Variants in PARD3B observed in about 807,000 individuals in gnomAD.
PARD3B encodes the protein par-3 family cell polarity regulator beta.
PARD3B carries 103 observed loss-of-function variants against 130.2 expected under a neutral mutation model. The observed-to-expected ratio is 0.79, with a 90% CI of 0.67 to 0.93. The LOEUF is 0.93. Among genes scored for constraint, PARD3B ranks in the 40% least tolerant of loss-of-function variants. PARD3B has a pLI of 0.00. For synonymous variants in PARD3B, 583 were observed against 553.2 expected (o/e 1.05, Z -0.76); for missense variants, 1,609 against 1,499.2 (o/e 1.07, Z -1.21).
intron 16 of PARD3B, among the ~76,000 whole-genome samples, chr2:205,284,996 T>TTG (rs1274703624): frequency 3.2e-4 from 48 of 151,432 alleles, no homozygotes; most frequent in Middle Eastern, 3.4e-3. Flanking sequence ...CAAAACAGTT[T>TTG]TTTTTTTTTT....
intron 2 of PARD3B, among the ~76,000 whole-genome samples, chr2:204,813,470 G>A (rs2043035616): frequency 6.6e-6 from 1 of 151,918 alleles, no homozygotes; most frequent in Non-Finnish European, 1.5e-5. Context: ...TTCAGGCTGT[G>A]GATTATCTTC....
intron 20 of PARD3B, among the ~76,000 whole-genome samples, chr2:205,456,921 A>G (rs1417051093): frequency 6.7e-6 from 1 of 150,264 alleles, no homozygotes; most frequent in Admixed American, 6.7e-5. Context: ...GAAATAATTT[A>G]TCATAAATTT....
intron 1 of PARD3B, among the ~76,000 whole-genome samples, chr2:204,613,314 G>T (rs2033997284): frequency 6.6e-6 from 1 of 152,030 alleles, no homozygotes. Flanking sequence ...TTGTTGAGAA[G>T]GCCACCTTTT....
At chr2:205,371,405 T>C (rs1369892256) in intron 18 of PARD3B, among the ~76,000 whole-genome samples, 2 of 152,194 alleles carry the variant, frequency 1.3e-5, no homozygotes, top group Non-Finnish European at 2.9e-5. Flanking sequence ...CACATTCTTC[T>C]AAGTTTTGAA....
chr2:204,849,401 TA>T (rs1184250259), intron 2 of PARD3B, among the ~76,000 whole-genome samples: 1 of 152,222 alleles, frequency 6.6e-6, no homozygotes, highest in African/African-American at 2.4e-5. Context: ...TGTTTCAATA[TA>T]TGACTAGGCT....
chr2:205,520,284 T>C (rs1459745517), intron 21 of PARD3B, among the ~76,000 whole-genome samples: 1 of 152,088 alleles, frequency 6.6e-6, no homozygotes, highest in Non-Finnish European at 1.5e-5. Context: ...TGGTGATAAG[T>C]AGTGGTGGAT....
chr2:204,935,305 G>T (rs528056324), intron 2 of PARD3B, among the ~76,000 whole-genome samples: 8 of 150,652 alleles, frequency 5.3e-5, no homozygotes, highest in Admixed American at 3.3e-4. Context: ...CAAGGCGGGC[G>T]GATCACAAGG....
chr2:204,948,258 A>G (rs555606961), intron 2 of PARD3B, among the ~76,000 whole-genome samples: 80 of 152,368 alleles, frequency 5.3e-4, no homozygotes, highest in African/African-American at 1.8e-3. Flanking sequence ...AAAGGCAGCC[A>G]GACCTGTCCA....
At chr2:205,097,484 T>C (rs1702469703) in intron 4 of PARD3B, among the ~76,000 whole-genome samples, 1 of 152,122 alleles carries the variant, frequency 6.6e-6, no homozygotes, top group South Asian at 2.1e-4. Flanking sequence ...CCCGGCTTAG[T>C]TAATAATTTT....
At position 204,709,655 on chromosome 2, in the gene PARD3B, G is replaced by A. The variant is rs139756356; in HGVS notation, c.222+23373G>A. Among the ~76,000 whole-genome samples the A allele has an allele frequency of 1.2e-3, 184 of 152,246 alleles. 1 individual carries two copies. The highest frequency in any genetic ancestry group is 4.3e-3 in the African/African-American group (179 of 41,534). The stretch of plus-strand genomic sequence containing the variant: ...TAGTGTCATACGTTTGATGTGTTCA[G>A]TTGGGGAAATACATGTCTATATAGG... On this transcript the variant is annotated intron_variant, in intron 2 of 22. Coordinates refer to ENST00000406610, the MANE Select transcript of PARD3B (RefSeq NM_001302769.2).
chr2:204,862,991 T>C (rs1295855647), intron 2 of PARD3B, among the ~76,000 whole-genome samples: 1 of 152,090 alleles, frequency 6.6e-6, no homozygotes, highest in East Asian at 1.9e-4. Flanking sequence ...CTCCGGAGGC[T>C]CCACCCCGTC....
At chr2:205,357,735 A>C (rs2044247391) in intron 18 of PARD3B, among the ~76,000 whole-genome samples, 1 of 152,214 alleles carries the variant, frequency 6.6e-6, no homozygotes, top group African/African-American at 2.4e-5. Flanking sequence ...GGAGAGTATG[A>C]GATCTGTAGT....
chr2:204,663,162 G>C (rs115723000), intron 1 of PARD3B, among the ~76,000 whole-genome samples: 125 of 152,290 alleles, frequency 8.2e-4, no homozygotes, highest in African/African-American at 2.8e-3. Flanking sequence ...CATGGTTACT[G>C]TTTTCCCCAG....
At chr2:204,745,409 T>A (rs980294385) in intron 2 of PARD3B, among the ~76,000 whole-genome samples, 1 of 1,506 alleles carries the variant, frequency 6.6e-4, no homozygotes, top group East Asian at 0.062. Context: ...AATACTACCT[T>A]TTTTTTTTTT....
At chr2:204,986,739 A>G (rs1320651197) in intron 3 of PARD3B, among the ~76,000 whole-genome samples, 3 of 152,182 alleles carry the variant, frequency 2.0e-5, no homozygotes, top group Admixed American at 2.0e-4. Flanking sequence ...TTTTCATTGG[A>G]ATGACCTTTT....
intron 3 of PARD3B, among the ~76,000 whole-genome samples, chr2:205,032,632 C>T (rs1177969501): frequency 1.3e-5 from 2 of 152,122 alleles, no homozygotes; most frequent in African/African-American, 2.4e-5. Flanking sequence ...TTGATTAACA[C>T]TGGTTTAAAG....
At chr2:204,786,373 T>C (rs2042010829) in intron 2 of PARD3B, among the ~76,000 whole-genome samples, 1 of 152,086 alleles carries the variant, frequency 6.6e-6, no homozygotes, top group South Asian at 2.1e-4. Context: ...AATGAGTTCC[T>C]GTCAAACAAA....
intron 18 of PARD3B, among the ~76,000 whole-genome samples, chr2:205,312,617 G>A (rs1440956295): frequency 6.6e-6 from 1 of 152,194 alleles, no homozygotes; most frequent in Admixed American, 6.5e-5. Context: ...TTGGAATTGA[G>A]TTAGGCTCAA....
intron 19 of PARD3B, among the ~76,000 whole-genome samples, chr2:205,414,416 A>C (rs2046705281): frequency 6.6e-6 from 1 of 152,186 alleles, no homozygotes; most frequent in African/African-American, 2.4e-5. Flanking sequence ...ATTTTGAGTA[A>C]GTTACTTAGA....
Sources: gnomAD v4.1 joint callset for allele counts (sites outside exome capture counted in the v4.1 genomes callset) on GRCh38, gnomAD v4.1.1 for gene constraint, MANE v1.5 for transcripts, NCBI Gene and HGNC (gene_info 2026-07-23, HGNC 2026-07-21) for gene names.